Variants in ICA1 observed in about 807,000 individuals in gnomAD.
ICA1 encodes 69 kDa islet cell autoantigen.
Under a neutral mutation model 71.0 loss-of-function variants are expected in ICA1, and 40 were observed. The observed-to-expected ratio is 0.56, with a 90% CI of 0.44 to 0.73. ICA1 has a LOEUF of 0.73. Ranked by LOEUF, ICA1 falls within the 30% of genes least tolerant of loss-of-function variation. The pLI, the probability that ICA1 is intolerant of heterozygous loss-of-function variation, is 0.00. For missense variants in ICA1, 578 were observed against 576.5 expected (o/e 1.00, Z -0.03); for synonymous variants, 207 against 209.5 (o/e 0.99, Z 0.10).
At position 8,173,247 on chromosome 7, in the gene ICA1, C is replaced by T. The variant is rs544558215; in HGVS notation, c.580-14595G>A. Among the ~76,000 whole-genome samples the T allele has an allele frequency of 6.6e-6, 1 of 152,212 alleles. No individual in the cohort carries two copies. Among genetic ancestry groups the T allele is most frequent in the South Asian group, 2.1e-4 (1 of 4,824 alleles). ...ATACATAAGATGATTCTGAAATATT[C>T]GGTTGTACCAGAAAGCAAAGAAGGC... On this transcript the variant is annotated intron_variant, in intron 6 of 13. Coordinates refer to ENST00000402384, the MANE Select transcript of ICA1 (RefSeq NM_001136020.3). The surrounding 1 kb of genome is among the most constrained non-coding windows in gnomAD (Gnocchi z 4.0).
At chr7:8,197,446 G>A (rs1209963556) in intron 6 of ICA1, among the ~76,000 whole-genome samples, 5 of 150,964 alleles carry the variant, frequency 3.3e-5, no homozygotes, top group Admixed American at 6.6e-5. Flanking sequence ...CCAGCTACTC[G>A]GGAGACTGGG....
chr7:8,182,241 A>G (rs1340788418), intron 6 of ICA1, among the ~76,000 whole-genome samples: 1 of 152,180 alleles, frequency 6.6e-6, no homozygotes, highest in Non-Finnish European at 1.5e-5. Flanking sequence ...CATCCCTGCT[A>G]CATTCCCTAA....
intron 6 of ICA1, among the ~76,000 whole-genome samples, chr7:8,204,079 G>A (rs1350495721): frequency 1.3e-5 from 2 of 149,704 alleles, no homozygotes; most frequent in Non-Finnish European, 3.0e-5. Flanking sequence ...AAAAAAAAAA[G>A]CCCAAATACT....
Position 8,113,989 on chromosome 7 carries a change from G to C in ICA1, c.1386C>G (p.Leu462=), listed in dbSNP as rs143701895. ...CAGCATCAGGATTTGAGAGTGGGTC[G>C]AGGTCAGCGAAGAGGCTGAACCAGG... ...LTAWFSLFAD[L]DPLSNPDAVG... Residue 462 remains leucine (L), a synonymous_variant, in exon 14 of 14, where the codon CTC becomes CTG. Coordinates refer to ENST00000402384, the MANE Select transcript of ICA1 (RefSeq NM_001136020.3). This position sits in a 1 kb window ranked among gnomAD's most constrained non-coding sequence, Gnocchi z 4.2. 28 of 1,614,064 alleles carry C rather than the reference G, an allele frequency of 1.7e-5. No individual in the cohort carries two copies. Among genetic ancestry groups the C allele is most frequent in the Non-Finnish European group, 2.3e-5 (27 of 1,179,956 alleles).
At chr7:8,185,925 G>A (rs1783766305) in intron 6 of ICA1, among the ~76,000 whole-genome samples, 1 of 152,190 alleles carries the variant, frequency 6.6e-6, no homozygotes, top group Non-Finnish European at 1.5e-5. Flanking sequence ...AGATGCTACA[G>A]GAAACACTTT....
At chr7:8,128,228 A>G (rs1790093979) in intron 12 of ICA1, 86 bp from the exon 13 acceptor site, 6 of 1,362,426 alleles carry the variant, frequency 4.4e-6, no homozygotes, top group Admixed American at 4.3e-5. Flanking sequence ...GAAGGGGGAG[A>G]CTGGTTGATG....
Position 8,123,324 on chromosome 7 carries a change from A to T in ICA1, c.1330+4549T>A, listed in dbSNP as rs904668158. 2.0e-5 allele frequency among the ~76,000 whole-genome samples: 3 copies of T among 152,138 alleles called. No individual in the cohort carries two copies. The highest frequency in any genetic ancestry group is 7.2e-5 in the African/African-American group (3 of 41,438). On this transcript the variant is annotated intron_variant, in intron 13 of 13. Transcript: ENST00000402384. The surrounding 1 kb of genome is among the most constrained non-coding windows in gnomAD (Gnocchi z 4.1). ...AGGAGAGAGGTGGAAGAAGAGAGGTACAAAAGCAGGGGAGAATCCAGGGAG... is the reference window on the plus strand; with the variant it reads ...AGGAGAGAGGTGGAAGAAGAGAGGTTCAAAAGCAGGGGAGAATCCAGGGAG...
intron 8 of ICA1, among the ~76,000 whole-genome samples, chr7:8,155,544 C>A (rs1801192091): frequency 6.7e-6 from 1 of 150,056 alleles, no homozygotes; most frequent in Non-Finnish European, 1.5e-5. Context: ...GCCTGAAGTT[C>A]TTCTGAATTA....
chr7:8,140,868 A>G, intron 10 of ICA1, among the ~76,000 whole-genome samples: 1 of 152,220 alleles, frequency 6.6e-6, no homozygotes, highest in East Asian at 1.9e-4. Flanking sequence ...TAGAGGGTGA[A>G]GGAGAAGAAT....
intron 13 of ICA1, among the ~76,000 whole-genome samples, chr7:8,121,627 G>T (rs1786987799): frequency 6.6e-6 from 1 of 152,236 alleles, no homozygotes; most frequent in South Asian, 2.1e-4. Context: ...GATGGGGGTA[G>T]AAGGGATGGT....
At chr7:8,176,326 C>T (rs1418083892) in intron 6 of ICA1, among the ~76,000 whole-genome samples, 1 of 152,238 alleles carries the variant, frequency 6.6e-6, no homozygotes, top group African/African-American at 2.4e-5. Context: ...ATGGTTAATT[C>T]TCACTCATCT....
intron 1 of ICA1, among the ~76,000 whole-genome samples, chr7:8,239,998 C>G (rs1442843850): frequency 1.3e-5 from 2 of 152,216 alleles, no homozygotes; most frequent in African/African-American, 4.8e-5. Flanking sequence ...GCAGCAGAAA[C>G]TTCTGCAGAC....
chr7:8,165,725 A>G (rs764324296), intron 6 of ICA1, among the ~76,000 whole-genome samples: 1 of 152,232 alleles, frequency 6.6e-6, no homozygotes, highest in Non-Finnish European at 1.5e-5. Flanking sequence ...ATATACACCA[A>G]CAACAACCAA....
intron 1 of ICA1, among the ~76,000 whole-genome samples, chr7:8,258,188 C>T (rs1810913310): frequency 6.6e-6 from 1 of 152,180 alleles, no homozygotes; most frequent in African/African-American, 2.4e-5. Flanking sequence ...TGACTCCTCT[C>T]TTTCCCTCTT....
chr7:8,131,265 A>G (rs1440952872), intron 12 of ICA1, among the ~76,000 whole-genome samples: 1 of 152,228 alleles, frequency 6.6e-6, no homozygotes, highest in African/African-American at 2.4e-5. Flanking sequence ...CTTGAAGCCA[A>G]TCCACAACTG....
chr7:8,116,728 AG>A lies in ICA1; in HGVS notation c.1331-2685del, dbSNP rs145176517. 4.0e-3 allele frequency among the ~76,000 whole-genome samples: 609 copies of A among 152,358 alleles called. 6 individuals are homozygous for A. The highest frequency in any genetic ancestry group is 0.014 in the African/African-American group (586 of 41,588). On this transcript the variant is annotated intron_variant, in intron 13 of 13. Transcript: ENST00000402384. Reference sequence around the variant, plus strand: ...AGAGAACACCATTAAATGAAGCAATAGGACTAGTAACTGCACATCTTCTCGA... The same window carrying A: ...AGAGAACACCATTAAATGAAGCAATAGACTAGTAACTGCACATCTTCTCGA...
chr7:8,255,217 T>C (rs142175524), intron 1 of ICA1, among the ~76,000 whole-genome samples: 2 of 152,314 alleles, frequency 1.3e-5, no homozygotes, highest in South Asian at 2.1e-4. Flanking sequence ...CTTCCTTCTC[T>C]TCACAGTCAA....
At chr7:8,120,160 G>A (rs1786320076) in intron 13 of ICA1, among the ~76,000 whole-genome samples, 1 of 152,148 alleles carries the variant, frequency 6.6e-6, no homozygotes, top group Non-Finnish European at 1.5e-5. Flanking sequence ...CACACACAGG[G>A]TATCATTATT....
chr7:8,235,115 G>A (rs1801438337), intron 2 of ICA1, among the ~76,000 whole-genome samples: 1 of 151,826 alleles, frequency 6.6e-6, no homozygotes, highest in Non-Finnish European at 1.5e-5. Context: ...AGTGAGCTGA[G>A]ATTGCACCAC....
Sources: allele counts gnomAD v4.1 joint callset (sites outside exome capture counted in the v4.1 genomes callset), GRCh38; gene constraint gnomAD v4.1.1; non-coding constraint Gnocchi (gnomAD v3.1); transcripts MANE v1.5; gene names NCBI Gene and HGNC (gene_info 2026-07-23, HGNC 2026-07-21).